Variants in PBX4 observed in about 807,000 individuals in gnomAD.
PBX4 encodes the protein PBX homeobox 4.
In PBX4, 26 loss-of-function variants were observed where a neutral mutation model predicts 35.1. That is an observed-to-expected ratio of 0.74 (90% CI 0.54 to 1.03). The LOEUF is 1.03. Ranked by LOEUF, PBX4 falls within the 50% of genes least tolerant of loss-of-function variation. PBX4 has a pLI of 0.00. For synonymous variants in PBX4, 199 were observed against 204.2 expected, an observed-to-expected ratio of 0.97 and a Z score of 0.22; for missense variants, 448 against 504.3, an observed-to-expected ratio of 0.89 and a Z score of 1.07.
intron 2 of PBX4, among the ~76,000 whole-genome samples, chr19:19,596,088 C>A (rs1466411654): frequency 6.6e-6 from 1 of 151,784 alleles, no homozygotes; most frequent in East Asian, 1.9e-4. Context: ...CAGAGTGAGA[C>A]CCTGTCTCAA....
At chr19:19,570,497 G>A (rs772036688) in intron 3 of PBX4, 89 bp downstream of exon 3, 118 of 1,553,862 alleles carry the variant, frequency 7.6e-5, no homozygotes, top group Non-Finnish European at 9.5e-5. Context: ...CCTGTTCTGC[G>A]CCACGAAAGA....
Position 19,562,087 on chromosome 19 carries a change from G to T in PBX4, c.1063C>A (p.Gln355Lys). ...CCAGCAGGTGAGGCAGTTGCAGGTT[G>T]GGGGGTGGCCCCCTGCCAGCTACCC... ...AQGSWQGATP[Q>K]PATASPAGDP... Residue 355 changes from glutamine to lysine, a missense_variant, in exon 8 of 8, where the codon CAA becomes AAA. Physicochemically the swap from Gln to Lys is moderately conservative, Grantham distance 53. Coordinates refer to ENST00000251203, the MANE Select transcript of PBX4 (RefSeq NM_025245.3). The surrounding 1 kb of genome is among the most constrained non-coding windows in gnomAD (Gnocchi z 4.8). The T allele has an allele frequency of 1.9e-6, 3 of 1,611,196 alleles. No individual in the cohort carries two copies. The highest frequency in any genetic ancestry group is 2.5e-6 in the Non-Finnish European group (3 of 1,178,778).
At position 19,563,622 on chromosome 19, in the gene PBX4, G is replaced by A. The variant is rs900590650; in HGVS notation, c.926-7C>T. On this transcript the variant is annotated splice_region_variant and splice_polypyrimidine_tract_variant and intron_variant, in intron 6 of 7. Coordinates refer to ENST00000251203, the MANE Select transcript of PBX4 (RefSeq NM_025245.3). The surrounding 1 kb of genome is among the most constrained non-coding windows in gnomAD (Gnocchi z 5.1). ...GGGAAGGGTCCAGAGGAGCCTGGAAGAGATGGGAGCCGGGGTGGGCAGAGT... is the reference window on the plus strand; with the variant it reads ...GGGAAGGGTCCAGAGGAGCCTGGAAAAGATGGGAGCCGGGGTGGGCAGAGT... 1.3e-6 allele frequency: 2 copies of A among 1,548,312 alleles called. No homozygotes were observed. The highest frequency in any genetic ancestry group is 2.7e-5 in the African/African-American group (2 of 72,954).
At chr19:19,593,318 C>G (rs1402405852) in intron 2 of PBX4, among the ~76,000 whole-genome samples, 1 of 152,226 alleles carries the variant, frequency 6.6e-6, no homozygotes, top group Admixed American at 6.5e-5. Context: ...AATCGAGAAG[C>G]ACGCCAGGAC....
intron 2 of PBX4, among the ~76,000 whole-genome samples, chr19:19,583,508 G>A (rs2061468856): frequency 6.6e-6 from 1 of 152,022 alleles, no homozygotes; most frequent in Non-Finnish European, 1.5e-5. Flanking sequence ...AGCTACTCGA[G>A]AAGCTGAGAC....
chr19:19,563,518 C>T lies in PBX4; in HGVS notation c.1023G>A (p.Leu341=). 1 of 1,549,668 alleles carries T rather than the reference C, an allele frequency of 6.5e-7. No individual in the cohort carries two copies. Among genetic ancestry groups the T allele is most frequent in the Non-Finnish European group, 8.7e-7 (1 of 1,146,372 alleles). ...SLQPPPGGGC[L]QSQAQGSWQG... Reference sequence around the variant, plus strand: ...AGTGCCTGAGACTCACCTGGGACTGCAGGCAGCCTCCCCCAGGAGGAGGCT... The same window carrying T: ...AGTGCCTGAGACTCACCTGGGACTGTAGGCAGCCTCCCCCAGGAGGAGGCT... Residue 341 remains leucine, a synonymous_variant, in exon 7 of 8, where the codon CTG becomes CTA. Coordinates refer to ENST00000251203, the MANE Select transcript of PBX4 (RefSeq NM_025245.3). This position sits in a 1 kb window ranked among gnomAD's most constrained non-coding sequence, Gnocchi z 5.1.
chr19:19,589,540 C>T (rs1252914007), intron 2 of PBX4, among the ~76,000 whole-genome samples: 2 of 151,972 alleles, frequency 1.3e-5, no homozygotes, highest in East Asian at 1.9e-4. Context: ...GAGGCCGAGG[C>T]GGGTGGATTA....
chr19:19,615,181 A>G (rs1007518266), intron 1 of PBX4, among the ~76,000 whole-genome samples: 6 of 150,148 alleles, frequency 4.0e-5, no homozygotes, highest in Non-Finnish European at 7.4e-5. Context: ...AAAAAAAAAA[A>G]AAAAAAAAAA....
chr19:19,570,748 C>A lies in PBX4; in HGVS notation c.279G>T (p.Val93=). Residue 93 remains valine, a synonymous_variant, in exon 3 of 8, where the codon GTG becomes GTT. Coordinates refer to ENST00000251203, the MANE Select transcript of PBX4 (RefSeq NM_025245.3). The part of the protein sequence containing the change: ...RLDNMLLAEG[V]CRPEKRGRGG... ...CTCTTCCTCTCTTCTCGGGCCTGCA[C>A]ACGCCCTCAGCCAGCAGCATGTTAT... 1 of 1,614,164 alleles carries A rather than the reference C, an allele frequency of 6.2e-7. No individual in the cohort carries two copies. The highest frequency in any genetic ancestry group is 8.5e-7 in the Non-Finnish European group (1 of 1,180,024).
intron 1 of PBX4, among the ~76,000 whole-genome samples, chr19:19,617,861 G>T (rs934659756): frequency 6.6e-6 from 1 of 151,874 alleles, no homozygotes; most frequent in African/African-American, 2.4e-5. Flanking sequence ...TCCATCATCT[G>T]CCCTGGAAAC....
chr19:19,599,591 A>G (rs2061583879), intron 1 of PBX4, among the ~76,000 whole-genome samples: 1 of 152,118 alleles, frequency 6.6e-6, no homozygotes, highest in Non-Finnish European at 1.5e-5. Context: ...TAATCCCAGC[A>G]CTTTGGGAGG....
chr19:19,594,106 A>AAT lies in PBX4; in HGVS notation c.193+5185_193+5186insAT, dbSNP rs376246400. On this transcript the variant is annotated intron_variant, in intron 2 of 7. Coordinates refer to ENST00000251203, the MANE Select transcript of PBX4 (RefSeq NM_025245.3). ...AATTAAAAAAAAAAAAAAATAAAAA[A>AAT]TAAAAAATTAAAAATGTCGCCGGGC... Among the ~76,000 whole-genome samples the AAT allele has an allele frequency of 6.0e-3, 872 of 145,242 alleles. 17 individuals are homozygous for AAT. The highest frequency in any genetic ancestry group is 0.02 in the African/African-American group (788 of 39,622).
intron 1 of PBX4, among the ~76,000 whole-genome samples, chr19:19,610,094 A>C (rs1206316213): frequency 2.0e-5 from 3 of 152,210 alleles, no homozygotes; most frequent in African/African-American, 4.8e-5. Context: ...AAAGACTTTT[A>C]GATAGCTTCA....
intron 1 of PBX4, among the ~76,000 whole-genome samples, chr19:19,609,626 A>G (rs997044666): frequency 6.6e-6 from 1 of 151,438 alleles, no homozygotes; most frequent in East Asian, 2.0e-4. Context: ...CGAGGAGGGC[A>G]GATCACGAGC....
intron 2 of PBX4, among the ~76,000 whole-genome samples, chr19:19,594,106 A>AT (rs1555738615): frequency 0.017 from 2,515 of 145,246 alleles, 55 homozygotes; most frequent in South Asian, 0.021. Flanking sequence ...AAAATAAAAA[A>AT]TAAAAAATTA....
chr19:19,588,465 G>C, intron 2 of PBX4: 1 of 815,752 alleles, frequency 1.2e-6, no homozygotes, highest in South Asian at 1.4e-5. Flanking sequence ...TTTTAGTAGA[G>C]ACAGGGTTTC....
chr19:19,618,597 G>A lies in PBX4; in HGVS notation c.33C>T (p.Pro11=). Reference sequence around the variant, plus strand: ...TCGTGTCGAGGCGCCGCGGGGCGGGGGGCGATGGCGCGGGGCGCGGCGGGG... The same window carrying A: ...TCGTGTCGAGGCGCCGCGGGGCGGGAGGCGATGGCGCGGGGCGCGGCGGGG... MAAPPRPAPS[P]PAPRRLDTSD... The change falls in exon 1 of 8, where the codon CCC becomes CCT. Residue 11 remains proline, a synonymous_variant. Coordinates refer to ENST00000251203, the MANE Select transcript of PBX4 (RefSeq NM_025245.3). The A allele has an allele frequency of 1.6e-6, 2 of 1,283,362 alleles. No homozygotes were observed. The highest frequency in any genetic ancestry group is 1.5e-5 in the African/African-American group (1 of 64,756). 79.5% of individuals were successfully genotyped at this position (1,283,362 alleles called of 1,614,324 possible).
At chr19:19,575,237 A>G (rs1166873464) in intron 2 of PBX4, among the ~76,000 whole-genome samples, 12 of 77,018 alleles carry the variant, frequency 1.6e-4, no homozygotes, top group Admixed American at 1.3e-3. Flanking sequence ...ACTCTGTCTC[A>G]AAAAAAAAAA....
chr19:19,572,054 T>G (rs1298788159), intron 2 of PBX4, among the ~76,000 whole-genome samples: 7 of 144,882 alleles, frequency 4.8e-5, no homozygotes, highest in African/African-American at 1.8e-4. Flanking sequence ...AAAAAAAGTG[T>G]TCTCTTAGAA....
Sources: allele counts gnomAD v4.1 joint callset (sites outside exome capture counted in the v4.1 genomes callset), GRCh38; gene constraint gnomAD v4.1.1; non-coding constraint Gnocchi (gnomAD v3.1); transcripts MANE v1.5; gene names NCBI Gene and HGNC (gene_info 2026-07-23, HGNC 2026-07-21).